Variants in CSMD1 observed in about 807,000 individuals in gnomAD.
CSMD1 encodes CUB and sushi domain-containing protein 1.
CSMD1 carries 213 observed loss-of-function variants against 417.5 expected under a neutral mutation model. That is an observed-to-expected ratio of 0.51 (90% confidence interval 0.46 to 0.57). CSMD1 has a LOEUF of 0.57. Among genes scored for constraint, CSMD1 ranks in the 20% least tolerant of loss-of-function variants. The pLI is 0.00. For missense variants in CSMD1, 6,923 were observed against 4,529.7 expected (o/e 1.53, Z -15.17); for synonymous variants, 2,862 against 1,736.8 (o/e 1.65, Z -16.11).
chr8:3,982,190 T>TAAAA (rs201916271), intron 5 of CSMD1, among the ~76,000 whole-genome samples: 1 of 122,878 alleles, frequency 8.1e-6, no homozygotes, highest in Non-Finnish European at 1.8e-5. Flanking sequence ...ATAATAATAA[T>TAAAA]ATTAATAAAA....
At chr8:4,277,160 A>T (rs1032449325) in intron 3 of CSMD1, among the ~76,000 whole-genome samples, 2 of 151,638 alleles carry the variant, frequency 1.3e-5, no homozygotes, top group African/African-American at 4.8e-5. Flanking sequence ...GTTTAATCCA[A>T]CACTATACAT....
At chr8:3,018,757 A>C in intron 51 of CSMD1, 107 bp from the exon 52 acceptor site, 2 of 1,048,972 alleles carry the variant, frequency 1.9e-6, no homozygotes, top group Middle Eastern at 3.1e-4. Context: ...AACTATTTTT[A>C]GTCTTAATTT....
intron 2 of CSMD1, among the ~76,000 whole-genome samples, chr8:4,583,578 A>C (rs546571880): frequency 6.6e-6 from 1 of 150,766 alleles, no homozygotes; most frequent in South Asian, 2.1e-4. Flanking sequence ...ATTTACCTCA[A>C]GGTTTGTGAG....
At position 3,205,164 on chromosome 8, in the gene CSMD1, G is replaced by A. The variant is rs1797183657; in HGVS notation, c.4984+340C>T. Among the ~76,000 whole-genome samples, 4 of 152,126 alleles carry A rather than the reference G, an allele frequency of 2.6e-5. No homozygotes were observed. In the South Asian group the frequency reaches 8.3e-4, roughly 32 times the overall value. ...TGCACAGACATATACACAGAGTTCT[G>A]ACCCACCCACTACTTTATGAGAAAT... is the stretch of plus-strand genomic sequence containing the variant. On this transcript the variant is annotated intron_variant, in intron 31 of 69. Coordinates refer to ENST00000635120, the MANE Select transcript of CSMD1 (RefSeq NM_033225.6).
intron 6 of CSMD1, among the ~76,000 whole-genome samples, chr8:3,753,636 C>T (rs1357384685): frequency 1.3e-5 from 2 of 152,104 alleles, no homozygotes; most frequent in Non-Finnish European, 2.9e-5. Flanking sequence ...TGGATATTTA[C>T]AGATTAGATG....
chr8:4,193,250 G>C (rs1799136598), intron 3 of CSMD1, among the ~76,000 whole-genome samples: 1 of 151,888 alleles, frequency 6.6e-6, no homozygotes, highest in East Asian at 1.9e-4. Context: ...TTAACGACAG[G>C]GTATTGTGAA....
intron 4 of CSMD1, among the ~76,000 whole-genome samples, chr8:4,018,135 T>C (rs1032272245): frequency 8.5e-5 from 13 of 152,174 alleles, no homozygotes; most frequent in African/African-American, 2.9e-4. Context: ...GTTTTGTGTG[T>C]TTTTATGTCT....
chr8:3,721,878 G>C lies in CSMD1; in HGVS notation c.932-13387C>G, dbSNP rs573030790. Among the ~76,000 whole-genome samples the C allele has an allele frequency of 1.7e-4, 26 of 152,256 alleles. No individual in the cohort carries two copies. The South Asian group carries it at 5.2e-3, about 30-fold the overall frequency. Reference sequence around the variant, plus strand: ...TATGAAGAAAATAGCAGAGAATGAAGTGCCCGTTAAGTAGCTGACTGTCCA... The same window carrying C: ...TATGAAGAAAATAGCAGAGAATGAACTGCCCGTTAAGTAGCTGACTGTCCA... On this transcript the variant is annotated intron_variant, in intron 6 of 69. Coordinates refer to ENST00000635120, the MANE Select transcript of CSMD1 (RefSeq NM_033225.6).
chr8:4,406,788 C>A (rs960980868), intron 3 of CSMD1, among the ~76,000 whole-genome samples: 1 of 152,188 alleles, frequency 6.6e-6, no homozygotes, highest in East Asian at 1.9e-4. Flanking sequence ...CCTGAGTCAT[C>A]TGGTGTTTGA....
intron 5 of CSMD1, among the ~76,000 whole-genome samples, chr8:3,800,429 A>C (rs1444707758): frequency 6.6e-6 from 1 of 152,200 alleles, no homozygotes; most frequent in Non-Finnish European, 1.5e-5. Context: ...TGCTTGAGAA[A>C]TAGTATAAAT....
intron 3 of CSMD1, among the ~76,000 whole-genome samples, chr8:4,033,404 T>C (rs1184281738): frequency 2.0e-5 from 3 of 152,098 alleles, no homozygotes; most frequent in African/African-American, 7.2e-5. Context: ...ATCGCACCAC[T>C]GCACTCCAGC....
chr8:4,951,529 GAGAAA>G (rs551688936), intron 1 of CSMD1, among the ~76,000 whole-genome samples: 24 of 144,672 alleles, frequency 1.7e-4, no homozygotes, highest in Admixed American at 1.1e-3. Flanking sequence ...AGGGGAGAAA[GAGAAA>G]AGAAAAGAAA....
chr8:4,654,003 G>T (rs961495351), intron 1 of CSMD1, among the ~76,000 whole-genome samples: 1 of 152,000 alleles, frequency 6.6e-6, no homozygotes, highest in Admixed American at 6.6e-5. Flanking sequence ...CAAATATAAA[G>T]GTTGGTTGTA....
chr8:3,522,660 A>G (rs905361742), intron 10 of CSMD1, among the ~76,000 whole-genome samples: 4 of 151,992 alleles, frequency 2.6e-5, no homozygotes, highest in African/African-American at 9.7e-5. Flanking sequence ...ACTTTGTGAC[A>G]TGTGAGTTTC....
chr8:3,837,706 T>G (rs1403325296), intron 5 of CSMD1, among the ~76,000 whole-genome samples: 1 of 152,010 alleles, frequency 6.6e-6, no homozygotes, highest in Middle Eastern at 3.2e-3. Context: ...GTAATAGAGG[T>G]TGAGAACACA....
At chr8:4,475,779 A>G (rs1275040492) in intron 2 of CSMD1, among the ~76,000 whole-genome samples, 3 of 151,748 alleles carry the variant, frequency 2.0e-5, no homozygotes, top group Admixed American at 6.6e-5. Flanking sequence ...CACACAGCTA[A>G]TTTTTGTATT....
intron 5 of CSMD1, among the ~76,000 whole-genome samples, chr8:3,997,536 C>T (rs970562869): frequency 3.9e-5 from 6 of 152,166 alleles, no homozygotes; most frequent in African/African-American, 1.2e-4. Context: ...TGTCAATTCT[C>T]GCTAACGTGA....
At chr8:4,945,024 G>C (rs1030419013) in intron 1 of CSMD1, among the ~76,000 whole-genome samples, 32 of 152,112 alleles carry the variant, frequency 2.1e-4, no homozygotes, top group African/African-American at 6.8e-4. Context: ...CAGATGAATG[G>C]ATAAGCAAAA....
chr8:4,683,060 G>C (rs1318811265), intron 1 of CSMD1, among the ~76,000 whole-genome samples: 1 of 148,280 alleles, frequency 6.7e-6, no homozygotes, highest in Non-Finnish European at 1.5e-5. Flanking sequence ...ATAGTCCAAT[G>C]TCATTGTGGC....
Sources: gnomAD v4.1 joint callset for allele counts (sites outside exome capture counted in the v4.1 genomes callset) on GRCh38, gnomAD v4.1.1 for gene constraint, MANE v1.5 for transcripts, NCBI Gene and HGNC (gene_info 2026-07-23, HGNC 2026-07-21) for gene names.